Variants in NLRP2 observed in about 807,000 individuals in gnomAD.
The protein encoded by NLRP2 is NLR family pyrin domain containing 2.
In NLRP2, 107 loss-of-function variants were observed where a neutral mutation model predicts 97.2. That is an observed-to-expected ratio of 1.10 (90% confidence interval 0.94 to 1.29). The LOEUF (loss-of-function observed/expected upper bound fraction) is 1.29. NLRP2 is among the 50% of genes most tolerant of loss of function. NLRP2 has a pLI of 0.00. For missense variants in NLRP2, 1,495 were observed against 1,330.3 expected (o/e 1.12, Z -1.93); for synonymous variants, 663 against 551.5 (o/e 1.20, Z -2.83).
intron 6 of NLRP2, among the ~76,000 whole-genome samples, chr19:54,984,483 A>ATTTTTTTTTTTTTTTTTT (rs1568505832): frequency 2.2e-5 from 1 of 46,192 alleles, no homozygotes; most frequent in African/African-American, 1.9e-4. Context: ...TATATTCCCA[A>ATTTTTTTTTTTTTTTTTT]TCTTTTTTTT....
intron 10 of NLRP2, among the ~76,000 whole-genome samples, chr19:54,992,574 G>GT (rs71181722): frequency 0.053 from 5,053 of 94,982 alleles, 368 homozygotes; most frequent in African/African-American, 0.15. Flanking sequence ...TTTTTTTTTG[G>GT]TTTTTTTTTT....
chr19:54,993,242 T>C (rs1018517935), intron 10 of NLRP2: 2 of 149,100 alleles, frequency 1.3e-5, no homozygotes, highest in African/African-American at 4.9e-5. Context: ...AAAGTTTCTA[T>C]ACATTCATAA....
intron 12 of NLRP2, among the ~76,000 whole-genome samples, chr19:54,999,021 C>G (rs1419713903): frequency 1.3e-5 from 2 of 151,280 alleles, no homozygotes; most frequent in East Asian, 3.9e-4. Context: ...GGGGGCTGAC[C>G]CCCCCACCTC....
rs753891788 is a variant in NLRP2, at chr19:54,982,195, C to T, written c.497C>T (p.Thr166Met). 1.4e-5 allele frequency: 23 copies of T among 1,613,938 alleles called. No individual in the cohort carries two copies. The highest frequency in any genetic ancestry group is 1.6e-4 in the Middle Eastern group (1 of 6,068). ...AATAGGTGCAGGTATATATTGAAGA[C>T]GAAGTTCCGGGAGATGTGGAAGAGC... ...KDNRCRYILK[T>M]KFREMWKSWP... The change falls in exon 6 of 13, where the codon ACG (threonine) becomes ATG (methionine). Residue 166 changes from threonine to methionine, a missense_variant. Thr to Met is a moderately conservative substitution (Grantham distance 81, BLOSUM62 -1). Coordinates refer to ENST00000448584, the MANE Select transcript of NLRP2 (RefSeq NM_017852.5).
At chr19:54,987,996 A>G (rs983041714) in intron 8 of NLRP2, among the ~76,000 whole-genome samples, 5 of 152,164 alleles carry the variant, frequency 3.3e-5, no homozygotes, top group Non-Finnish European at 7.4e-5. Context: ...GTGAGCCAAG[A>G]TCACGCCATT....
At chr19:55,000,612 C>G (rs903251988) in intron 12 of NLRP2, 148 bp from the exon 13 acceptor site, 2 of 653,602 alleles carry the variant, frequency 3.1e-6, no homozygotes, top group African/African-American at 3.9e-5. Flanking sequence ...AAAAAAAAAT[C>G]AATGTGGAAC....
chr19:54,989,847 G>A, intron 8 of NLRP2, 175 bp from the exon 9 acceptor site: 1 of 660,900 alleles, frequency 1.5e-6, no homozygotes, highest in Non-Finnish European at 2.7e-6. Context: ...AGCTGGGCAT[G>A]TTGGTGCATG....
rs770589089 is a variant in NLRP2 at position 54,985,062 on chromosome 19, G to A, written c.2046G>A (p.Gln682=). ...DAEVERSQDD[Q]HMLPFWTDLC... ...TTCCCTATAGATCCCAGGATGATCA[G>A]CACATGCTTCCTTTCTGGACGGACC... Residue 682 remains glutamine (Q), a synonymous_variant, in exon 7 of 13, where the codon CAG becomes CAA. Transcript: ENST00000448584. 7 of 1,613,992 alleles carry A rather than the reference G, an allele frequency of 4.3e-6. No individual in the cohort carries two copies. The African/African-American group carries it at 9.3e-5, about 22-fold the overall frequency.
At chr19:54,975,101 G>GTTTTTTTTTTTTTTTTTTTTTTT (rs1190231820) in intron 3 of NLRP2, among the ~76,000 whole-genome samples, 1 of 83,100 alleles carries the variant, frequency 1.2e-5, no homozygotes, top group Non-Finnish European at 2.5e-5. Context: ...ACCACACCCG[G>GTTTTTTTTTTTTTTTTTTTTTTT]TTTTGTTTTT....
chr19:54,985,019 G>C (rs2071955652), intron 6 of NLRP2, 28 bp from the exon 7 acceptor site: 14 of 1,612,020 alleles, frequency 8.7e-6, no homozygotes, highest in Non-Finnish European at 1.0e-5. Flanking sequence ...CACACATTTG[G>C]TGTAACCCTT....
chr19:54,984,329 G>GTGTTTTTTTTTTTTTTTTTT, intron 6 of NLRP2, among the ~76,000 whole-genome samples: 13 of 79,676 alleles, frequency 1.6e-4, no homozygotes, highest in African/African-American at 3.2e-4. Context: ...TTTTTTTTGT[G>GTGTTTTTTTTTTTTTTTTTT]TTTTTTTTTT....
At position 54,989,947 on chromosome 19, in the gene NLRP2, C is replaced by T. The variant is rs1000305297; in HGVS notation, c.2367-75C>T. The T allele has an allele frequency of 1.3e-5, 20 of 1,539,316 alleles. No individual in the cohort carries two copies. In the Middle Eastern group the frequency reaches 9.2e-4, roughly 70 times the overall value. ...CGGAGGTTGCTGTGAGCCGAGATTG[C>T]GCCACCTGGGCAACAAGAGTGAGAC... is the stretch of plus-strand genomic sequence containing the variant. On this transcript the variant is annotated intron_variant, in intron 8 of 12. Coordinates refer to ENST00000448584, the MANE Select transcript of NLRP2 (RefSeq NM_017852.5).
intron 3 of NLRP2, chr19:54,977,024 G>A (rs964376857): frequency 2.5e-5 from 8 of 325,914 alleles, no homozygotes; most frequent in Non-Finnish European, 4.2e-5. Context: ...CATGTTGGCC[G>A]GGATGGTCTC....
At chr19:55,000,521 A>G (rs985195778) in intron 12 of NLRP2, among the ~76,000 whole-genome samples, 12 of 143,268 alleles carry the variant, frequency 8.4e-5, no homozygotes, top group East Asian at 2.1e-4. Context: ...CTCGTGATCC[A>G]CCCGCCTCAG....
At chr19:55,000,574 C>G (rs1344980422) in intron 12 of NLRP2, among the ~76,000 whole-genome samples, 186 bp from the exon 13 acceptor site, 1 of 149,580 alleles carries the variant, frequency 6.7e-6, no homozygotes, top group East Asian at 2.0e-4. Flanking sequence ...CCATCACGCC[C>G]CACCTGAGAC....
At chr19:54,973,463 C>T (rs2071004455) in intron 2 of NLRP2, among the ~76,000 whole-genome samples, 1 of 151,150 alleles carries the variant, frequency 6.6e-6, no homozygotes, top group South Asian at 2.1e-4. Context: ...GTGACCTCCT[C>T]CTCCCAGGTT....
At chr19:54,970,588 G>C (rs1460845357) in intron 2 of NLRP2, among the ~76,000 whole-genome samples, 1 of 151,754 alleles carries the variant, frequency 6.6e-6, no homozygotes, top group African/African-American at 2.4e-5. Context: ...TCTAGGAGGC[G>C]GGGGTTGCTA....
rs2071118019 is a variant in NLRP2, at chr19:54,975,101, GTTTTGTTTTTTTTTTTTT to G, written c.325+562_325+579del. On this transcript the variant is annotated intron_variant, in intron 3 of 12. Transcript: ENST00000448584. Reference sequence around the variant, plus strand: ...TGGGCATGAGCCACCACCACACCCGGTTTTGTTTTTTTTTTTTTTTTTTTTTTTTTTTTTTTTTTTTTG... The same window carrying G: ...TGGGCATGAGCCACCACCACACCCGGTTTTTTTTTTTTTTTTTTTTTTTTG... Among the ~76,000 whole-genome samples, 13 of 83,100 alleles carry G rather than the reference GTTTTGTTTTTTTTTTTTT, an allele frequency of 1.6e-4. No individual in the cohort carries two copies. The East Asian group carries it at 1.8e-3, about 11-fold the overall frequency. 54.5% of individuals were successfully genotyped at this position (83,100 alleles called of 152,430 possible).
At chr19:54,994,034 C>CT in intron 10 of NLRP2, 2 of 611,448 alleles carry the variant, frequency 3.3e-6, no homozygotes, top group South Asian at 3.9e-5. Context: ...TATAAACCAT[C>CT]TTAAGATGCT....
Sources: gnomAD v4.1 joint callset for allele counts (sites outside exome capture counted in the v4.1 genomes callset) on GRCh38, gnomAD v4.1.1 for gene constraint, MANE v1.5 for transcripts, NCBI Gene and HGNC (gene_info 2026-07-23, HGNC 2026-07-21) for gene names.